RAD54B: variants seen among roughly 807,000 people sequenced by gnomAD.
RAD54B encodes RAD54 homolog B.
RAD54B carries 78 observed loss-of-function variants against 95.8 expected under a neutral mutation model. The ratio of observed to expected loss-of-function variants is 0.81; its 90% CI spans 0.68 to 0.98. The LOEUF (loss-of-function observed/expected upper bound fraction) is 0.98, where lower values mean the gene tolerates loss of function less well. RAD54B is among the 50% of genes least tolerant of loss of function. The pLI is 0.00. For synonymous variants in RAD54B, 328 were observed against 354.9 expected, an observed-to-expected ratio of 0.92 and a Z score of 0.85; for missense variants, 957 against 1,056.6, an observed-to-expected ratio of 0.91 and a Z score of 1.31.
intron 3 of RAD54B, among the ~76,000 whole-genome samples, chr8:94,412,444 A>G (rs1277416568): frequency 6.6e-6 from 1 of 152,068 alleles, no homozygotes; most frequent in African/African-American, 2.4e-5. Flanking sequence ...TTCAAATAAG[A>G]ACAAGTATAA....
chr8:94,385,100 C>T (rs1248651112), intron 11 of RAD54B, among the ~76,000 whole-genome samples: 1 of 152,144 alleles, frequency 6.6e-6, no homozygotes, highest in African/African-American at 2.4e-5. Flanking sequence ...GAGACCCTAT[C>T]TCAAGATAAA....
rs1451202798 is a variant in RAD54B, at chr8:94,408,251, T to C, written c.500-531A>G. On this transcript the variant is annotated intron_variant, in intron 4 of 14. Coordinates refer to ENST00000336148, the MANE Select transcript of RAD54B (RefSeq NM_012415.3). ...ACTCTTTAATAAAACATGGAATATT[T>C]TGTAATATTAAGCTTGTTTGAATTA... Among the ~76,000 whole-genome samples, 7 of 152,160 alleles carry C rather than the reference T, an allele frequency of 4.6e-5. 1 individual carries two copies. Among genetic ancestry groups the C allele is most frequent in the South Asian group, 2.1e-4 (1 of 4,832 alleles).
intron 2 of RAD54B, among the ~76,000 whole-genome samples, chr8:94,459,839 G>A (rs138101406): frequency 0.012 from 1,769 of 144,730 alleles, 40 homozygotes; most frequent in African/African-American, 0.043. Flanking sequence ...CAGCCTGGGC[G>A]ACAGAACAAG....
rs151141539 is a variant in RAD54B at position 94,450,090 on chromosome 8, G to A, written c.304+8178C>T. 1.3e-3 allele frequency among the ~76,000 whole-genome samples: 204 copies of A among 152,218 alleles called. 2 individuals are homozygous for A. The highest frequency in any genetic ancestry group is 4.7e-3 in the African/African-American group (197 of 41,532). ...CAAATCTTCATAAAAGAGCCCTAAA[G>A]GACAAAGGATGATCTCCTCAAAACT... On this transcript the variant is annotated intron_variant, in intron 3 of 14. Coordinates refer to ENST00000336148, the MANE Select transcript of RAD54B (RefSeq NM_012415.3).
At chr8:94,388,488 T>C (rs1310419628) in intron 10 of RAD54B, among the ~76,000 whole-genome samples, 2 of 152,132 alleles carry the variant, frequency 1.3e-5, no homozygotes, top group Admixed American at 6.5e-5. Flanking sequence ...TCAAAAGTCA[T>C]ACAAGTTATA....
intron 8 of RAD54B, among the ~76,000 whole-genome samples, chr8:94,398,539 A>G (rs577935979): frequency 1.2e-4 from 19 of 152,258 alleles, no homozygotes; most frequent in African/African-American, 4.6e-4. Context: ...ACGACACATG[A>G]AGGAAAAAAT....
chr8:94,464,196 T>C (rs910505590), intron 2 of RAD54B, among the ~76,000 whole-genome samples: 11 of 152,132 alleles, frequency 7.2e-5, no homozygotes, highest in Admixed American at 7.2e-4. Context: ...GACCAGGACC[T>C]TGAAACGGAG....
intron 3 of RAD54B, chr8:94,436,385 T>C: frequency 7.6e-7 from 1 of 1,313,020 alleles, no homozygotes; most frequent in Non-Finnish European, 1.0e-6. Context: ...ACACTATTCA[T>C]TGCTCCCGTT....
chr8:94,404,286 C>A (rs1811333186), intron 5 of RAD54B, 47 bp from the exon 6 acceptor site: 1 of 1,461,356 alleles, frequency 6.8e-7, no homozygotes, highest in South Asian at 1.4e-5. Context: ...ACTTTTTCAG[C>A]AACCAACATT....
At chr8:94,375,163 A>AATG (rs1314981609) in intron 14 of RAD54B, among the ~76,000 whole-genome samples, 19 of 152,304 alleles carry the variant, frequency 1.2e-4, no homozygotes, top group African/African-American at 4.3e-4. Context: ...TGACTCAGCA[A>AATG]TACTAAAAAT....
chr8:94,413,844 T>C (rs1811588690), intron 3 of RAD54B, among the ~76,000 whole-genome samples: 1 of 151,002 alleles, frequency 6.6e-6, no homozygotes. Flanking sequence ...TTTTTTCTTT[T>C]TTTTTTTTTG....
chr8:94,449,071 C>T (rs1274124326), intron 3 of RAD54B, among the ~76,000 whole-genome samples: 3 of 149,796 alleles, frequency 2.0e-5, no homozygotes, highest in African/African-American at 7.5e-5. Context: ...CACACACATA[C>T]ACACATATAT....
chr8:94,465,651 T>C (rs1813007499), intron 2 of RAD54B, among the ~76,000 whole-genome samples: 1 of 152,178 alleles, frequency 6.6e-6, no homozygotes, highest in South Asian at 2.1e-4. Context: ...AGCAAATCCA[T>C]TTCTAGTTAT....
intron 3 of RAD54B, chr8:94,428,732 G>A (rs1812006087): frequency 1.0e-6 from 1 of 981,894 alleles, no homozygotes; most frequent in Admixed American, 6.2e-5. Context: ...AAAGCCAAGT[G>A]TACATTCCAT....
chr8:94,464,923 G>A (rs561068630), intron 2 of RAD54B, among the ~76,000 whole-genome samples: 4 of 152,078 alleles, frequency 2.6e-5, no homozygotes, highest in South Asian at 4.2e-4. Flanking sequence ...GGGAGATGCC[G>A]CACTCTTTTT....
chr8:94,376,386 T>C (rs1810572179), intron 14 of RAD54B, among the ~76,000 whole-genome samples: 2 of 152,026 alleles, frequency 1.3e-5, no homozygotes, highest in Non-Finnish European at 2.9e-5. Context: ...ATGGGCAGCT[T>C]AGAGGAAAAT....
chr8:94,452,156 C>A (rs1341274920), intron 3 of RAD54B, among the ~76,000 whole-genome samples: 1 of 152,240 alleles, frequency 6.6e-6, no homozygotes, highest in Non-Finnish European at 1.5e-5. Context: ...TAATCTCATT[C>A]ATGAGGGCTT....
At chr8:94,472,803 C>T (rs1052270843) in intron 1 of RAD54B, among the ~76,000 whole-genome samples, 2 of 152,176 alleles carry the variant, frequency 1.3e-5, no homozygotes, top group African/African-American at 2.4e-5. Context: ...GCTAAAATTT[C>T]TTTCAACACT....
rs188773549 is a variant in RAD54B at position 94,474,545 on chromosome 8, A to C, written c.-17+456T>G. Among the ~76,000 whole-genome samples, 677 of 152,260 alleles carry C rather than the reference A, an allele frequency of 4.4e-3. 8 individuals carry two copies. The highest frequency in any genetic ancestry group is 7.5e-3 in the Non-Finnish European group (507 of 68,022). Reference sequence around the variant, plus strand: ...GGTAATCGATTAAAAGGTTTTAAGGAAATACAAGAAAAACCTGACCAGTGA... The same window carrying C: ...GGTAATCGATTAAAAGGTTTTAAGGCAATACAAGAAAAACCTGACCAGTGA... On this transcript the variant is annotated intron_variant, in intron 1 of 14. Transcript: ENST00000336148.
Sources: gnomAD v4.1 joint callset for allele counts (sites outside exome capture counted in the v4.1 genomes callset) on GRCh38, gnomAD v4.1.1 for gene constraint, MANE v1.5 for transcripts, NCBI Gene and HGNC (gene_info 2026-07-23, HGNC 2026-07-21) for gene names.